Variants in CADPS2 observed in about 807,000 individuals in gnomAD.
The protein encoded by CADPS2 is calcium dependent secretion activator 2, also known as calcium-dependent secretion activator 2.
Under a neutral mutation model 172.5 loss-of-function variants are expected in CADPS2, and 93 were observed. That is an observed-to-expected ratio of 0.54 (90% CI 0.46 to 0.64). CADPS2 has a LOEUF of 0.64. Ranked by LOEUF, CADPS2 falls within the 30% of genes least tolerant of loss-of-function variation. CADPS2 has a pLI of 0.00. For synonymous variants in CADPS2, 546 were observed against 555.2 expected, an observed-to-expected ratio of 0.98 and a Z score of 0.23; for missense variants, 1,420 against 1,565.9, an observed-to-expected ratio of 0.91 and a Z score of 1.57.
At chr7:122,642,402 G>A (rs528744725) in intron 3 of CADPS2, among the ~76,000 whole-genome samples, 95 of 152,186 alleles carry the variant, frequency 6.2e-4, no homozygotes, top group Non-Finnish European at 1.1e-3. Context: ...GAGCAGCTCT[G>A]GGAAATAGGA....
At chr7:122,625,096 G>C (rs955369962) in intron 4 of CADPS2, among the ~76,000 whole-genome samples, 1 of 151,670 alleles carries the variant, frequency 6.6e-6, no homozygotes, top group African/African-American at 2.4e-5. Flanking sequence ...TGTTGCCCAA[G>C]CTGGAGTGCA....
intron 2 of CADPS2, among the ~76,000 whole-genome samples, chr7:122,682,657 C>T (rs1356718111): frequency 1.3e-5 from 2 of 152,156 alleles, no homozygotes; most frequent in African/African-American, 4.8e-5. Flanking sequence ...TTACAGAATT[C>T]AATTCACCTC....
chr7:122,824,515 A>T (rs1280330344), intron 1 of CADPS2, among the ~76,000 whole-genome samples: 3 of 152,200 alleles, frequency 2.0e-5, no homozygotes, highest in African/African-American at 7.2e-5. Context: ...TTTTCATATG[A>T]TAAAGGGCCA....
intron 1 of CADPS2, among the ~76,000 whole-genome samples, chr7:122,839,265 T>A (rs1030208127): frequency 6.6e-6 from 1 of 152,132 alleles, no homozygotes; most frequent in African/African-American, 2.4e-5. Context: ...TTACACCTTA[T>A]ACAAAAATTA....
chr7:122,596,141 T>C (rs1464496467), intron 6 of CADPS2, among the ~76,000 whole-genome samples: 1 of 152,072 alleles, frequency 6.6e-6, no homozygotes, highest in Non-Finnish European at 1.5e-5. Context: ...GAGCCCCACC[T>C]GCTGTGGATT....
intron 25 of CADPS2, among the ~76,000 whole-genome samples, chr7:122,369,026 A>G (rs1443912425): frequency 6.6e-6 from 1 of 151,510 alleles, no homozygotes; most frequent in Non-Finnish European, 1.5e-5. Context: ...GGCAATAAAT[A>G]TGACATTTCT....
At chr7:122,727,331 T>C (rs1354984924) in intron 2 of CADPS2, among the ~76,000 whole-genome samples, 1 of 151,854 alleles carries the variant, frequency 6.6e-6, no homozygotes, top group East Asian at 1.9e-4. Context: ...AATGCTACAC[T>C]GAAGTAAATT....
intron 2 of CADPS2, among the ~76,000 whole-genome samples, chr7:122,718,667 G>A (rs1005461705): frequency 2.6e-5 from 4 of 152,064 alleles, no homozygotes; most frequent in South Asian, 2.1e-4. Context: ...AAATGGGGCC[G>A]TGTTAAGGCT....
chr7:122,877,865 C>T (rs1410513866), intron 1 of CADPS2, among the ~76,000 whole-genome samples: 1 of 152,164 alleles, frequency 6.6e-6, no homozygotes, highest in East Asian at 1.9e-4. Context: ...AAATTATCAA[C>T]ATTTTACTGA....
intron 28 of CADPS2, among the ~76,000 whole-genome samples, chr7:122,343,214 A>G (rs2037051774): frequency 2.0e-5 from 3 of 152,204 alleles, no homozygotes; most frequent in African/African-American, 7.2e-5. Flanking sequence ...ATTTAAAAAT[A>G]TTAGAATGTT....
chr7:122,782,832 A>G (rs1360017806), intron 1 of CADPS2, among the ~76,000 whole-genome samples: 1 of 152,060 alleles, frequency 6.6e-6, no homozygotes, highest in African/African-American at 2.4e-5. Context: ...ATATTTTAAA[A>G]CTTATCTTTA....
Position 122,703,833 on chromosome 7 carries a change from T to C in CADPS2, c.453+33122A>G, listed in dbSNP as rs563251251. On this transcript the variant is annotated intron_variant, in intron 2 of 29. Transcript: ENST00000449022. ...TGTAGAGACACAGACAAAGGCTGAA[T>C]AACAGATTTAGTAACTGGAAGGACA... Among the ~76,000 whole-genome samples the C allele has an allele frequency of 6.6e-5, 10 of 152,200 alleles. No homozygotes were observed. The South Asian group carries it at 2.1e-3, about 32-fold the overall frequency.
chr7:122,596,287 A>G (rs1306561678), intron 6 of CADPS2, among the ~76,000 whole-genome samples: 1 of 152,146 alleles, frequency 6.6e-6, no homozygotes, highest in Admixed American at 6.6e-5. Context: ...AGCTCCATCA[A>G]GAATTTAAAG....
At chr7:122,573,379 C>T (rs1021708584) in intron 7 of CADPS2, among the ~76,000 whole-genome samples, 3 of 151,806 alleles carry the variant, frequency 2.0e-5, no homozygotes, top group Admixed American at 6.6e-5. Flanking sequence ...CATCTCTATA[C>T]AAAACAAAAA....
rs71159790 is a variant in CADPS2, at chr7:122,328,132, G to GACACACACACACAC, written c.3613-2565_3613-2552dup. ...GCTTTCTTGTATACAGTAAAATGCAGACACACACACACACACACACACACA... is the reference window on the plus strand; with the variant it reads ...GCTTTCTTGTATACAGTAAAATGCAGACACACACACACACACACACACACACACACACACACACA... On this transcript the variant is annotated intron_variant, in intron 28 of 29. Coordinates refer to ENST00000449022, the MANE Select transcript of CADPS2 (RefSeq NM_017954.11). 9.6e-4 allele frequency among the ~76,000 whole-genome samples: 140 copies of GACACACACACACAC among 145,682 alleles called. 1 individual carries two copies. The highest frequency in any genetic ancestry group is 6.4e-3 in the South Asian group (29 of 4,558).
intron 3 of CADPS2, among the ~76,000 whole-genome samples, chr7:122,645,260 T>C (rs903521692): frequency 1.4e-5 from 2 of 143,968 alleles, no homozygotes; most frequent in South Asian, 2.1e-4. Context: ...TACATGTGTG[T>C]ATACATGTAC....
At chr7:122,875,250 A>C (rs1020008136) in intron 1 of CADPS2, among the ~76,000 whole-genome samples, 1 of 152,210 alleles carries the variant, frequency 6.6e-6, no homozygotes, top group Admixed American at 6.5e-5. Flanking sequence ...AAACTCCACC[A>C]AAAGAAAGTA....
intron 6 of CADPS2, among the ~76,000 whole-genome samples, chr7:122,582,389 C>T (rs558168786): frequency 6.6e-6 from 1 of 151,734 alleles, no homozygotes; most frequent in African/African-American, 2.4e-5. Flanking sequence ...AAAGCAGAGA[C>T]CATTTCAATG....
At chr7:122,584,348 T>C (rs1472045583) in intron 6 of CADPS2, among the ~76,000 whole-genome samples, 2 of 151,964 alleles carry the variant, frequency 1.3e-5, no homozygotes, top group South Asian at 2.1e-4. Flanking sequence ...CTAAGTTTTA[T>C]GTTATTTATT....
Sources: gnomAD v4.1 joint callset for allele counts (sites outside exome capture counted in the v4.1 genomes callset) on GRCh38, gnomAD v4.1.1 for gene constraint, MANE v1.5 for transcripts, NCBI Gene and HGNC (gene_info 2026-07-23, HGNC 2026-07-21) for gene names.